Variants in OR10D3 observed in about 807,000 individuals in gnomAD.
OR10D3 encodes olfactory receptor 10D3.
For missense variants in OR10D3, 286 were observed against 153.7 expected (o/e 1.86, Z -4.55); for synonymous variants, 100 against 57.6 (o/e 1.74, Z -3.33).
At chr11:124,184,305 C>G (rs576538605) in intron 1 of OR10D3, 2 of 152,240 alleles carry the variant, frequency 1.3e-5, no homozygotes, top group East Asian at 3.9e-4. Flanking sequence ...ATCTTATTTC[C>G]TTCATCAAAC....
intron 1 of OR10D3, 77 bp downstream of exon 1, chr11:124,183,460 C>T (rs1039254869): frequency 1.3e-5 from 2 of 150,412 alleles, no homozygotes; most frequent in African/African-American, 2.5e-5. Flanking sequence ...CTTTCTCTCT[C>T]TTTCTCTTTC....
At chr11:124,184,833 G>C (rs1861201249) in intron 1 of OR10D3, among the ~76,000 whole-genome samples, 1 of 152,172 alleles carries the variant, frequency 6.6e-6, no homozygotes, top group Non-Finnish European at 1.5e-5. Flanking sequence ...TAACGTTGTT[G>C]CTAATAATGG....
chr11:124,186,417 C>A, exon 2 of OR10D3: 1 of 398,528 alleles, frequency 2.5e-6, no homozygotes, highest in Non-Finnish European at 4.4e-6. Flanking sequence ...TCTTCAAAGT[C>A]ATATAGTCTT....
chr11:124,186,306 T>C (rs1861225682), exon 2 of OR10D3: 1 of 613,766 alleles, frequency 1.6e-6, no homozygotes, highest in African/African-American at 1.8e-5. Context: ...GACTTGGAAT[T>C]TTCAGCACTG....
chr11:124,188,563 C>G (rs1209982818), exon 2 of OR10D3: 1 of 152,234 alleles, frequency 6.6e-6, no homozygotes, highest in Non-Finnish European at 1.5e-5. Flanking sequence ...CAGCAGCTCA[C>G]AATCCTCTCT....
exon 2 of OR10D3, chr11:124,186,140 A>C (rs754118498): frequency 1.3e-5 from 9 of 702,972 alleles, no homozygotes; most frequent in Non-Finnish European, 1.8e-5. Context: ...CTATACCTTG[A>C]GGAATAAGGA....
At chr11:124,187,145 G>C (rs7942223) in exon 2 of OR10D3, 1 of 152,088 alleles carries the variant, frequency 6.6e-6, no homozygotes, top group Non-Finnish European at 1.5e-5. Context: ...ACTATGATGT[G>C]TATCTTTTGT....
At chr11:124,185,490 C>A in exon 2 of OR10D3, 1 of 703,238 alleles carries the variant, frequency 1.4e-6, no homozygotes, top group South Asian at 1.5e-5. Flanking sequence ...ATGGGTTTCT[C>A]CTCAGTGACT....
Position 124,186,025 on chromosome 11 carries a change from T to G in OR10D3, c.756T>G (p.Tyr252Ter), listed in dbSNP as rs2512227. Residue 252 changes from tyrosine (Y) to a stop codon, truncating the protein, a stop_gained, in exon 2 of 2, where the codon TAT (tyrosine) becomes TAG (stop). Transcript: ENST00000641351. LOFTEE classifies it low-confidence loss of function (END_TRUNC). ...ACCTCATTGCCATCCTCTGTGCCTA[T>G]GGGCCCATCATCACTGTCTACCTGC... The G allele has an allele frequency of 0.53, 369,425 of 703,226 alleles. 97,886 individuals carry two copies. Among genetic ancestry groups the G allele is most frequent in the East Asian group, 0.64 (23,856 of 37,272 alleles). 43.6% of individuals were successfully genotyped at this position (703,226 alleles called of 1,614,324 possible).
chr11:124,183,528 C>CTCCCTGCCTCCT, intron 1 of OR10D3, 145 bp downstream of exon 1: 1 of 128,304 alleles, frequency 7.8e-6, no homozygotes, highest in African/African-American at 3.1e-5. Context: ...CCTTCCCTCC[C>CTCCCTGCCTCCT]TCCCTCCCTG....
At chr11:124,187,481 G>A (rs557988404) in exon 2 of OR10D3, 4 of 152,230 alleles carry the variant, frequency 2.6e-5, no homozygotes, top group Non-Finnish European at 4.4e-5. Flanking sequence ...TCCTGGATTC[G>A]TTGTATTAAC....
At chr11:124,185,342 A>G (rs1280262770) in exon 2 of OR10D3, 2 of 703,276 alleles carry the variant, frequency 2.8e-6, no homozygotes, top group Non-Finnish European at 5.2e-6. Flanking sequence ...GGGGCTGGAG[A>G]TGACACTTTT....
chr11:124,188,675 A>G (rs1197130947), exon 2 of OR10D3: 1 of 152,226 alleles, frequency 6.6e-6, no homozygotes, highest in East Asian at 1.9e-4. Flanking sequence ...AAAATCTAAC[A>G]AAAGATCTCA....
rs561924481 is a variant in OR10D3 at position 124,187,664 on chromosome 11, G to A, written c.*1456G>A. Reference sequence around the variant, plus strand: ...TCAAAAACTCCTAAGCATGACACCCGAATTGCAAAGCTTCCTGCCAGAATT... The same window carrying A: ...TCAAAAACTCCTAAGCATGACACCCAAATTGCAAAGCTTCCTGCCAGAATT... On this transcript the variant is annotated 3_prime_UTR_variant, in exon 2 of 2. Coordinates refer to ENST00000641351, the Ensembl canonical transcript of OR10D3. 6.6e-5 allele frequency: 10 copies of A among 152,224 alleles called. No individual in the cohort carries two copies. In the South Asian group the frequency reaches 1.0e-3, roughly 16 times the overall value. 9.4% of individuals were successfully genotyped at this position (152,224 alleles called of 1,614,324 possible). A position where few individuals can be genotyped will look rare whatever the true frequency, so the allele number is the denominator to read the frequency against.
intron 1 of OR10D3, among the ~76,000 whole-genome samples, chr11:124,183,594 G>T (rs992143102): frequency 9.3e-6 from 1 of 107,886 alleles, no homozygotes; most frequent in African/African-American, 3.6e-5. Flanking sequence ...GTCTCACTCT[G>T]TTGGCCAGGC....
chr11:124,185,113 T>C, intron 1 of OR10D3, 146 bp from the exon 2 acceptor site: 1 of 590,274 alleles, frequency 1.7e-6, no homozygotes, highest in Non-Finnish European at 3.0e-6. Context: ...TAATGCCTTG[T>C]AACTTGAATC....
exon 2 of OR10D3, chr11:124,186,206 TAGTA>T: frequency 1.4e-6 from 1 of 693,934 alleles, no homozygotes; most frequent in Non-Finnish European, 2.6e-6. Context: ...TCCTGAGAGT[TAGTA>T]AGAGCAGATA....
chr11:124,186,309 C>G, exon 2 of OR10D3: 1 of 612,260 alleles, frequency 1.6e-6, no homozygotes. Context: ...TTGGAATTTT[C>G]AGCACTGTGC....
exon 2 of OR10D3, chr11:124,185,821 G>A: frequency 1.4e-6 from 1 of 703,668 alleles, no homozygotes; most frequent in Non-Finnish European, 2.6e-6. Context: ...TTCCAGCACT[G>A]TTGCCCTTGG....
Sources: gnomAD v4.1 joint callset for allele counts (sites outside exome capture counted in the v4.1 genomes callset) on GRCh38, gnomAD v4.1.1 for gene constraint, MANE v1.5 for transcripts, NCBI Gene and HGNC (gene_info 2026-07-23, HGNC 2026-07-21) for gene names.